SIAE: variants seen among roughly 807,000 people sequenced by gnomAD.
SIAE encodes the protein sialic acid acetylesterase.
Under a neutral mutation model 52.6 loss-of-function variants are expected in SIAE, and 39 were observed. That is an observed-to-expected ratio of 0.74 (90% CI 0.57 to 0.97). The LOEUF (loss-of-function observed/expected upper bound fraction) is 0.97. Ranked by LOEUF, SIAE falls within the 50% of genes least tolerant of loss-of-function variation. The pLI is 0.00. For synonymous variants in SIAE, 233 were observed against 241.4 expected, an observed-to-expected ratio of 0.97 and a Z score of 0.32; for missense variants, 592 against 662.1, an observed-to-expected ratio of 0.89 and a Z score of 1.16.
intron 4 of SIAE, among the ~76,000 whole-genome samples, chr11:124,651,928 G>A (rs1490777675): frequency 6.6e-6 from 1 of 152,196 alleles, no homozygotes; most frequent in Non-Finnish European, 1.5e-5. Flanking sequence ...GTGGTAAACA[G>A]GAGGGAAGAA....
rs1036854383 is a variant in SIAE, at chr11:124,673,490, G to A, written c.67+152C>T. On this transcript the variant is annotated intron_variant, in intron 1 of 9. Coordinates refer to ENST00000263593, the MANE Select transcript of SIAE (RefSeq NM_170601.5). ...TCAACCCAGCAGACTCCTGCAGACC[G>A]GGCCTCGGTCGGAGACGCGAGCCCC... 4.8e-6 allele frequency: 4 copies of A among 835,436 alleles called. No individual in the cohort carries two copies. In the East Asian group the frequency reaches 1.1e-4, roughly 22 times the overall value. The allele number at this position is 835,436 out of a possible 1,614,324, so 51.8% of individuals were successfully genotyped here.
chr11:124,654,333 G>C (rs1428894408), intron 4 of SIAE: 8 of 985,332 alleles, frequency 8.1e-6, no homozygotes, highest in Non-Finnish European at 9.6e-6. Flanking sequence ...CAGACACAGA[G>C]ACAAGGGAAG....
Position 124,638,712 on chromosome 11 carries a change from C to T in SIAE, c.1150G>A (p.Val384Met), listed in dbSNP as rs1942793439. 3 of 1,614,138 alleles carry T rather than the reference C, an allele frequency of 1.9e-6. No individual in the cohort carries two copies. The highest frequency in any genetic ancestry group is 2.5e-6 in the Non-Finnish European group (3 of 1,180,048). ...GCCCCCAAATGCAGCCGATAAGCCA[C>T]AGTCTGTTTATCTCGAGGGTGGATG... The part of the protein sequence containing the change: ...GSIHPRDKQT[V>M]AYRLHLGARA... Residue 384 changes from valine to methionine, a missense_variant, in exon 9 of 10, where the codon GTG becomes ATG. Coordinates refer to ENST00000263593, the MANE Select transcript of SIAE (RefSeq NM_170601.5).
intron 2 of SIAE, among the ~76,000 whole-genome samples, chr11:124,667,292 C>T (rs1426911990): frequency 6.6e-6 from 1 of 152,172 alleles, no homozygotes; most frequent in Non-Finnish European, 1.5e-5. Flanking sequence ...TCAGGACATC[C>T]TGCAAGTCAC....
intron 9 of SIAE, 135 bp downstream of exon 9, chr11:124,638,407 A>C: frequency 3.4e-6 from 3 of 887,074 alleles, no homozygotes; most frequent in Non-Finnish European, 5.5e-6. Flanking sequence ...GTTTATTTGC[A>C]GCTCTGAAAT....
chr11:124,650,445 C>CT (rs1165738776), intron 4 of SIAE, among the ~76,000 whole-genome samples: 5 of 152,098 alleles, frequency 3.3e-5, no homozygotes, highest in African/African-American at 9.7e-5. Flanking sequence ...TGTATTTCTT[C>CT]TTTTTTCTGG....
rs767373791 is a variant in SIAE, at chr11:124,654,646, G to A, written c.544+9C>T. The A allele has an allele frequency of 6.4e-5, 104 of 1,614,056 alleles. No homozygotes were observed. Among genetic ancestry groups the A allele is most frequent in the Middle Eastern group, 1.7e-4 (1 of 6,058 alleles). ...ATATAAGAGACAGCACGTTCAAGCC[G>A]TCACATACCTGAGGTGGGCTTAGAC... On this transcript the variant is annotated intron_variant, in intron 4 of 9. Coordinates refer to ENST00000263593, the MANE Select transcript of SIAE (RefSeq NM_170601.5).
Position 124,649,882 on chromosome 11 carries a change from G to A in SIAE, c.545-86C>T, listed in dbSNP as rs79537363. 1.2e-3 allele frequency: 1,569 copies of A among 1,306,812 alleles called. 11 individuals carry two copies. The African/African-American group carries it at 0.02, about 17-fold the overall frequency. 81.0% of individuals were successfully genotyped at this position (1,306,812 alleles called of 1,614,324 possible). On this transcript the variant is annotated intron_variant, in intron 4 of 9. Transcript: ENST00000263593. Reference sequence around the variant, plus strand: ...GCTGCTAGGTGGGTCGAGGTGAGAAGGGTGGGCAGAGGTCATTCTTCTGTT... The same window carrying A: ...GCTGCTAGGTGGGTCGAGGTGAGAAAGGTGGGCAGAGGTCATTCTTCTGTT...
At chr11:124,666,972 C>T (rs1407783059) in intron 2 of SIAE, among the ~76,000 whole-genome samples, 1 of 152,182 alleles carries the variant, frequency 6.6e-6, no homozygotes, top group African/African-American at 2.4e-5. Context: ...AGTTCTGAAA[C>T]AGGCATGAAG....
At position 124,634,382 on chromosome 11, in the gene SIAE, AAACT is replaced by A. The variant is rs1261001212; in HGVS notation, c.*2565_*2568del. On this transcript the variant is annotated 3_prime_UTR_variant, in exon 10 of 10. Transcript: ENST00000263593. Reference sequence around the variant, plus strand: ...TGAAAAACACTGCCTTAGTATACTTAAACTATCTTTTCATCTATCAGATTGTTAA... The same window carrying A: ...TGAAAAACACTGCCTTAGTATACTTAATCTTTTCATCTATCAGATTGTTAA... 1.3e-5 allele frequency: 2 copies of A among 152,170 alleles called. No individual in the cohort carries two copies. Among genetic ancestry groups the A allele is most frequent in the Non-Finnish European group, 2.9e-5 (2 of 68,040 alleles). 9.4% of individuals were successfully genotyped at this position (152,170 alleles called of 1,614,324 possible). A position where few individuals can be genotyped will look rare whatever the true frequency, so the allele number is the denominator to read the frequency against.
intron 2 of SIAE, among the ~76,000 whole-genome samples, chr11:124,662,880 C>T (rs1356140108): frequency 2.0e-5 from 3 of 152,226 alleles, no homozygotes; most frequent in Non-Finnish European, 4.4e-5. Flanking sequence ...CACAGTGGCT[C>T]ATGCCTGTAA....
In SIAE at chr11:124,660,783, C is replaced by G. The variant is rs745816660; in HGVS notation, c.250G>C (p.Val84Leu). ...CCAGGCTTCATAGGATCCAGTACCA[C>G]CATCCACGTATCAGAGTGAGCTGAA... ...SVKAHSDTWM[V>L]VLDPMKPGGP... The change falls in exon 3 of 10, where the codon GTG becomes CTG. Residue 84 changes from valine (V) to leucine (L), a missense_variant. Physicochemically the swap from Val to Leu is conservative, Grantham distance 32. Coordinates refer to ENST00000263593, the MANE Select transcript of SIAE (RefSeq NM_170601.5). 1 of 1,614,142 alleles carries G rather than the reference C, an allele frequency of 6.2e-7. No homozygotes were observed. Among genetic ancestry groups the G allele is most frequent in the South Asian group, 1.1e-5 (1 of 91,080 alleles).
chr11:124,674,930 T>G (rs1591401081), upstream of SIAE: 1 of 169,570 alleles, frequency 5.9e-6, no homozygotes, highest in East Asian at 1.6e-4. Context: ...TCCTGTGTGA[T>G]AGCAAAAATT....
chr11:124,661,741 ACT>A (rs1943189715), intron 2 of SIAE, among the ~76,000 whole-genome samples: 1 of 152,224 alleles, frequency 6.6e-6, no homozygotes, highest in Non-Finnish European at 1.5e-5. Flanking sequence ...TAAAATAAAT[ACT>A]CTTGGCATTA....
intron 7 of SIAE, among the ~76,000 whole-genome samples, chr11:124,642,662 G>A (rs1017362234): frequency 7.9e-5 from 12 of 152,174 alleles, no homozygotes; most frequent in African/African-American, 1.4e-4. Context: ...GGGGGAACTC[G>A]TAATTTGATT....
intron 3 of SIAE, among the ~76,000 whole-genome samples, chr11:124,657,913 G>C (rs1340053446): frequency 6.6e-6 from 1 of 152,148 alleles, no homozygotes; most frequent in African/African-American, 2.4e-5. Flanking sequence ...TGATGAAAGG[G>C]GAAACCTTAC....
chr11:124,647,464 G>C lies in SIAE; in HGVS notation c.867C>G (p.Tyr289Ter). ...CGATGAGTGCAGGGAATGTGCAATT[G>C]TACAGATCCGTGTTATAATTTATAT... ...ESNINYNTDL[Y>*]NCTFPALIED... The change falls in exon 7 of 10, where the codon TAC becomes TAG. Residue 289 changes from tyrosine (Y) to a stop codon, truncating the protein, a stop_gained. Coordinates refer to ENST00000263593, the MANE Select transcript of SIAE (RefSeq NM_170601.5). LOFTEE classifies it high-confidence loss of function. 1 of 1,614,172 alleles carries C rather than the reference G, an allele frequency of 6.2e-7. No homozygotes were observed. The highest frequency in any genetic ancestry group is 8.5e-7 in the Non-Finnish European group (1 of 1,180,030).
rs574652408 is a variant in SIAE at position 124,633,718 on chromosome 11, C to T, written c.*3233G>A. On this transcript the variant is annotated 3_prime_UTR_variant, in exon 10 of 10. Transcript: ENST00000263593. ...AAACAAACTTTGTATAATAGCAAAT[C>T]GGGAAGGGGACTGCTTAAAATGTTA... is the stretch of plus-strand genomic sequence containing the variant. The T allele has an allele frequency of 3.3e-5, 5 of 152,158 alleles. No homozygotes were observed. Among genetic ancestry groups the T allele is most frequent in the South Asian group, 2.1e-4 (1 of 4,824 alleles). The allele number at this position is 152,158 out of a possible 1,614,324, so 9.4% of individuals were successfully genotyped here. A position where few individuals can be genotyped will look rare whatever the true frequency, so the allele number is the denominator to read the frequency against.
intron 3 of SIAE, among the ~76,000 whole-genome samples, chr11:124,657,233 A>G (rs1197092167): frequency 1.3e-5 from 2 of 152,246 alleles, no homozygotes; most frequent in Admixed American, 1.3e-4. Flanking sequence ...GTTCAGGATC[A>G]TACCTGGCAG....
Sources: gnomAD v4.1 joint callset for allele counts (sites outside exome capture counted in the v4.1 genomes callset) on GRCh38, gnomAD v4.1.1 for gene constraint, MANE v1.5 for transcripts, NCBI Gene and HGNC (gene_info 2026-07-23, HGNC 2026-07-21) for gene names.